Variants in DCAF6 observed in about 807,000 individuals in gnomAD.
DCAF6 encodes DDB1- and CUL4-associated factor 6.
In DCAF6, 54 loss-of-function variants were observed where a neutral mutation model predicts 125.1. The ratio of observed to expected loss-of-function variants is 0.43; its 90% CI spans 0.35 to 0.54. The LOEUF is 0.54. Ranked by LOEUF, DCAF6 falls within the 20% of genes least tolerant of loss-of-function variation. DCAF6 has a pLI of 0.01. For missense variants in DCAF6, 934 were observed against 1,161.7 expected, an observed-to-expected ratio of 0.80 and a Z score of 2.85; for synonymous variants, 371 against 390.4, an observed-to-expected ratio of 0.95 and a Z score of 0.58.
At chr1:168,055,710 G>A (rs1553249550) in intron 17 of DCAF6, among the ~76,000 whole-genome samples, 1 of 112,316 alleles carries the variant, frequency 8.9e-6, no homozygotes, top group Non-Finnish European at 1.7e-5. Context: ...TGAAAAAGAC[G>A]CATATTATAT....
chr1:167,941,447 T>G (rs111788379), intron 1 of DCAF6, among the ~76,000 whole-genome samples: 1 of 152,210 alleles, frequency 6.6e-6, no homozygotes, highest in Non-Finnish European at 1.5e-5. Flanking sequence ...TCAGTGTTTT[T>G]AAAATGTTTT....
At chr1:167,871,648 C>T in the DCAF6 span, among the ~76,000 whole-genome samples, 1 of 152,186 alleles carries the variant, frequency 6.6e-6, no homozygotes, top group African/African-American at 2.4e-5. Flanking sequence ...TTTTGTTATT[C>T]ACTGATAGAA....
At chr1:168,054,370 A>G (rs1690336186) in intron 17 of DCAF6, among the ~76,000 whole-genome samples, 1 of 152,148 alleles carries the variant, frequency 6.6e-6, no homozygotes, top group East Asian at 1.9e-4. Flanking sequence ...TCTTCTTATA[A>G]AGCCACCAGT....
intron 9 of DCAF6, 126 bp downstream of exon 9, chr1:168,004,115 G>A: frequency 8.2e-7 from 1 of 1,212,140 alleles, no homozygotes; most frequent in East Asian, 2.6e-5. Context: ...GGTTCTTATT[G>A]TGTGGTGTGA....
At chr1:167,988,117 A>G (rs1475521977) in intron 5 of DCAF6, among the ~76,000 whole-genome samples, 2 of 152,050 alleles carry the variant, frequency 1.3e-5, no homozygotes, top group African/African-American at 4.8e-5. Flanking sequence ...CCTAAAGATA[A>G]TATCTCTACT....
chr1:168,050,934 G>A lies in DCAF6; in HGVS notation c.2300+1G>A. ...CAACAATAGGTGATAGAATAATGAG[G>A]TAATTCAGTATGTTCCTTCATAATT... On this transcript the variant is annotated splice_donor_variant, in intron 17 of 21. Coordinates refer to ENST00000367840, the MANE Select transcript of DCAF6 (RefSeq NM_001198956.2). LOFTEE classifies it high-confidence loss of function. The A allele has an allele frequency of 7.3e-7, 1 of 1,377,516 alleles. No individual in the cohort carries two copies. The highest frequency in any genetic ancestry group is 9.6e-7 in the Non-Finnish European group (1 of 1,039,670). 85.3% of individuals were successfully genotyped at this position (1,377,516 alleles called of 1,614,324 possible). A position where few individuals can be genotyped will look rare whatever the true frequency, so the allele number is the denominator to read the frequency against.
intron 2 of DCAF6, among the ~76,000 whole-genome samples, chr1:167,955,444 T>G (rs1489089540): frequency 7.3e-6 from 1 of 137,902 alleles, no homozygotes; most frequent in Non-Finnish European, 1.6e-5. Flanking sequence ...GTGTGGTCAG[T>G]TTTTTTTTTT....
At chr1:167,961,281 C>T (rs142724601) in intron 2 of DCAF6, among the ~76,000 whole-genome samples, 11 of 152,166 alleles carry the variant, frequency 7.2e-5, no homozygotes, top group East Asian at 5.8e-4. Context: ...CTTGCTCTGT[C>T]GCCCAGGCTG....
chr1:168,056,173 A>G (rs1690739840), intron 17 of DCAF6: 3 of 1,606,624 alleles, frequency 1.9e-6, no homozygotes, highest in Non-Finnish European at 2.6e-6. Context: ...AGACTACAAT[A>G]AACAACATCT....
At chr1:167,875,077 G>T in the DCAF6 span, 1 of 1,362,804 alleles carries the variant, frequency 7.3e-7, no homozygotes, top group Non-Finnish European at 1.1e-6. Flanking sequence ...GTACTTTTCT[G>T]CATGTTTTGT....
In DCAF6 at chr1:168,030,196, G is replaced by T. The variant is rs373235517; in HGVS notation, c.1609+7149G>T. 7.6e-4 allele frequency among the ~76,000 whole-genome samples: 115 copies of T among 152,284 alleles called. 1 individual carries two copies. In the South Asian group the frequency reaches 0.022, roughly 29 times the overall value. ...GCAGGGTTCAGTGTGGAACATAGGAGAGTGGGCCTTCATTCCCTCCAGTTG... is the reference window on the plus strand; with the variant it reads ...GCAGGGTTCAGTGTGGAACATAGGATAGTGGGCCTTCATTCCCTCCAGTTG... On this transcript the variant is annotated intron_variant, in intron 12 of 21. Coordinates refer to ENST00000367840, the MANE Select transcript of DCAF6 (RefSeq NM_001198956.2).
chr1:168,059,599 A>G (rs1691332319), intron 17 of DCAF6, among the ~76,000 whole-genome samples: 1 of 152,160 alleles, frequency 6.6e-6, no homozygotes, highest in Non-Finnish European at 1.5e-5. Context: ...TTGGGTGAAA[A>G]TTGTTTATCT....
At chr1:167,878,667 G>A in the DCAF6 span, 16 of 1,595,078 alleles carry the variant, frequency 1.0e-5, no homozygotes, top group East Asian at 3.4e-4. Context: ...CAAAGATCAG[G>A]GAAATAACAG....
At chr1:167,912,154 G>A in the DCAF6 span, among the ~76,000 whole-genome samples, 1 of 152,142 alleles carries the variant, frequency 6.6e-6, no homozygotes, top group Non-Finnish European at 1.5e-5. Flanking sequence ...AATTTATTAT[G>A]ACCTTTTTAT....
At chr1:167,973,767 G>A (rs1677711083) in intron 3 of DCAF6, among the ~76,000 whole-genome samples, 1 of 151,648 alleles carries the variant, frequency 6.6e-6, no homozygotes, top group African/African-American at 2.4e-5. Context: ...CCTCTCTATT[G>A]TATATCTGTT....
In DCAF6 at chr1:168,063,690, G is replaced by T; in HGVS notation, c.2370G>T (p.Leu790Phe). Residue 790 changes from leucine to phenylalanine, a missense_variant, in exon 18 of 22, where the codon TTG (leucine) becomes TTT (phenylalanine). By Grantham distance (22) the Leu-to-Phe change is conservative (BLOSUM62 0). Around this residue, in one of 5 missense-constraint regions of DCAF6, gnomAD observed 559 missense variants for 635.5 expected, o/e 0.88. Coordinates refer to ENST00000367840, the MANE Select transcript of DCAF6 (RefSeq NM_001198956.2). ...RRKERKEMEE[L>F]DTLNIRRPLV... ...AAGAAAGGAAAGAAATGGAAGAATTGGATACTTTGAACATTAGAAGGCCGC... is the reference window on the plus strand; with the variant it reads ...AAGAAAGGAAAGAAATGGAAGAATTTGATACTTTGAACATTAGAAGGCCGC... 1 of 1,603,350 alleles carries T rather than the reference G, an allele frequency of 6.2e-7. No individual in the cohort carries two copies. The highest frequency in any genetic ancestry group is 8.5e-7 in the Non-Finnish European group (1 of 1,175,758).
At chr1:167,870,191 A>C in the DCAF6 span, 1 of 1,564,590 alleles carries the variant, frequency 6.4e-7, no homozygotes, top group African/African-American at 1.4e-5. Context: ...TATAGGAAGG[A>C]GAGGAGCATC....
intron 2 of DCAF6, among the ~76,000 whole-genome samples, chr1:167,965,949 T>A (rs1676352908): frequency 6.6e-6 from 1 of 152,164 alleles, no homozygotes. Flanking sequence ...CTGGAGTTTT[T>A]AACATTCAGA....
the DCAF6 span, among the ~76,000 whole-genome samples, chr1:167,866,530 CAAAAAA>C: frequency 0.45 from 50,162 of 110,872 alleles, 11,504 homozygotes; most frequent in African/African-American, 0.68. Context: ...CTCTATGTGC[CAAAAAA>C]AAAAAAAAAA....
Sources: allele counts gnomAD v4.1 joint callset (sites outside exome capture counted in the v4.1 genomes callset), GRCh38; gene constraint gnomAD v4.1.1; regional missense constraint gnomAD v4.1.1; transcripts MANE v1.5; gene names NCBI Gene and HGNC (gene_info 2026-07-23, HGNC 2026-07-21).